ESM1: variants seen among roughly 807,000 people sequenced by gnomAD.
ESM1 encodes endothelial cell specific molecule 1.
In ESM1, 7 loss-of-function variants were observed where a neutral mutation model predicts 14.9. That is an observed-to-expected ratio of 0.47 (90% confidence interval 0.27 to 0.88). The LOEUF (loss-of-function observed/expected upper bound fraction) is 0.88, where lower values mean the gene tolerates loss of function less well. Among genes scored for constraint, ESM1 ranks in the 40% least tolerant of loss-of-function variants. The pLI, the probability that ESM1 is intolerant of heterozygous loss-of-function variation, is 0.14. For missense variants in ESM1, 192 were observed against 237.9 expected (o/e 0.81, Z 1.27); for synonymous variants, 89 against 89.4 (o/e 1.00, Z 0.02).
chr5:54,982,028 G>A lies in ESM1; in HGVS notation c.420C>T (p.Thr140=), dbSNP rs1238477019. ...GAGAAACAAATCTGTTGGAAGACTT[G>A]GTTACTGAATATTGGAAGAAGGGGA... The part of the protein sequence containing the change: ...LKFPFFQYSV[T]KSSNRFVSLT... The change falls in exon 2 of 3, where the codon ACC becomes ACT. Residue 140 remains threonine (T), a synonymous_variant. Transcript: ENST00000381405. 2 of 1,614,008 alleles carry A rather than the reference G, an allele frequency of 1.2e-6. No individual in the cohort carries two copies. The highest frequency in any genetic ancestry group is 1.7e-6 in the Non-Finnish European group (2 of 1,179,992).
chr5:54,982,839 T>C (rs1740414474), intron 1 of ESM1, among the ~76,000 whole-genome samples: 1 of 152,152 alleles, frequency 6.6e-6, no homozygotes, highest in Admixed American at 6.5e-5. Context: ...ACCCTGAGGG[T>C]TTGTACACCT....
At position 54,985,385 on chromosome 5, in the gene ESM1, T is replaced by A. The variant is rs77651377; in HGVS notation, c.133A>T (p.Arg45Trp). 25 of 1,614,218 alleles carry A rather than the reference T, an allele frequency of 1.5e-5. No individual in the cohort carries two copies. The highest frequency in any genetic ancestry group is 2.0e-5 in the Non-Finnish European group (24 of 1,180,038). Residue 45 changes from arginine (R) to tryptophan (W), a missense_variant, in exon 1 of 3, where the codon AGG becomes TGG. Arg to Trp is a moderately radical substitution (Grantham distance 101). Coordinates refer to ENST00000381405, the MANE Select transcript of ESM1 (RefSeq NM_007036.5). ...SECKSSPRCK[R>W]TVLDDCGCCR... ...CAGCCACAGTCGTCGAGCACTGTCC[T>A]CTTGCAGCGCGGGCTGCTTTTGCAC...
Position 54,985,589 on chromosome 5 carries a change from T to C in ESM1, c.-72A>G, listed in dbSNP as rs1334365505. ...GGTGGGAAGCAGCCGTCCAAACTGGTAGCTGAGCCTCTGCCTACACGTTTA... is the reference window on the plus strand; with the variant it reads ...GGTGGGAAGCAGCCGTCCAAACTGGCAGCTGAGCCTCTGCCTACACGTTTA... On this transcript the variant is annotated 5_prime_UTR_variant, in exon 1 of 3. Transcript: ENST00000381405. The C allele has an allele frequency of 1.2e-5, 17 of 1,400,974 alleles. No homozygotes were observed. The highest frequency in any genetic ancestry group is 1.6e-5 in the Non-Finnish European group (16 of 1,029,678). The allele number at this position is 1,400,974 out of a possible 1,614,324, so 86.8% of individuals were successfully genotyped here.
chr5:54,984,054 CA>C (rs1191548482), intron 1 of ESM1, among the ~76,000 whole-genome samples: 2 of 151,806 alleles, frequency 1.3e-5, no homozygotes, highest in Admixed American at 6.6e-5. Context: ...ATAAACTAAG[CA>C]AAAAATAAAA....
At chr5:54,982,221 T>C (rs148293355) in intron 1 of ESM1, 75 bp from the exon 2 acceptor site, 1,249 of 1,478,046 alleles carry the variant, frequency 8.5e-4, no homozygotes, top group Non-Finnish European at 1.1e-3. Context: ...CCTGGGTGCA[T>C]AGCCTTGCGA....
At chr5:54,979,845 G>A (rs1744017335) in intron 2 of ESM1, among the ~76,000 whole-genome samples, 1 of 152,186 alleles carries the variant, frequency 6.6e-6, no homozygotes, top group South Asian at 2.1e-4. Flanking sequence ...CAGGTCTCAA[G>A]TTAGATTCTT....
rs1744042690 is a variant in ESM1 at position 54,981,040 on chromosome 5, AAAT to A, written c.451+954_451+956del. Among the ~76,000 whole-genome samples the A allele has an allele frequency of 2.6e-5, 4 of 152,294 alleles. No individual in the cohort carries two copies. In the South Asian group the frequency reaches 8.3e-4, roughly 32 times the overall value. ...ATTTTAAATACAGTTTTTAATTGAC[AAAT>A]AATAATTGTATACATTTAGGGTACA... is the stretch of plus-strand genomic sequence containing the variant. On this transcript the variant is annotated intron_variant, in intron 2 of 2. Transcript: ENST00000381405.
Position 54,985,438 on chromosome 5 carries a change from T to G in ESM1, c.80A>C (p.Asp27Ala). The change falls in exon 1 of 3, where the codon GAC (aspartate) becomes GCC (alanine). Residue 27 changes from aspartate (D) to alanine (A), a missense_variant. Physicochemically the swap from Asp to Ala is moderately radical, Grantham distance 126 (BLOSUM62 -2). Transcript: ENST00000381405. ...VAAWSNNYAV[D>A]CPQHCDSSEC... Reference sequence around the variant, plus strand: ...ACTGCTGTCACAGTGTTGAGGGCAGTCCACCGCATAATTATTGCTCCAGGC... The same window carrying G: ...ACTGCTGTCACAGTGTTGAGGGCAGGCCACCGCATAATTATTGCTCCAGGC... 1 of 1,613,686 alleles carries G rather than the reference T, an allele frequency of 6.2e-7. No individual in the cohort carries two copies. Among genetic ancestry groups the G allele is most frequent in the Non-Finnish European group, 8.5e-7 (1 of 1,179,640 alleles).
In ESM1 at chr5:54,979,330, G is replaced by A. The variant is rs758177661; in HGVS notation, c.*2C>T. On this transcript the variant is annotated 3_prime_UTR_variant, in exon 3 of 3. Coordinates refer to ENST00000381405, the MANE Select transcript of ESM1 (RefSeq NM_007036.5). ...GCCTTCTCTCAGAAATCACAGCCGGGATCAGCGTGGATTTAACCATTTCCT... is the reference window on the plus strand; with the variant it reads ...GCCTTCTCTCAGAAATCACAGCCGGAATCAGCGTGGATTTAACCATTTCCT... 38 of 1,606,146 alleles carry A rather than the reference G, an allele frequency of 2.4e-5. No individual in the cohort carries two copies. Among genetic ancestry groups the A allele is most frequent in the Non-Finnish European group, 3.0e-5 (35 of 1,173,054 alleles).
intron 2 of ESM1, among the ~76,000 whole-genome samples, chr5:54,980,013 A>G (rs1370681913): frequency 6.6e-6 from 1 of 152,196 alleles, no homozygotes; most frequent in African/African-American, 2.4e-5. Flanking sequence ...TACTTCAAGG[A>G]GTAGTGAGGT....
intron 1 of ESM1, among the ~76,000 whole-genome samples, chr5:54,983,557 A>G (rs1340102009): frequency 2.0e-5 from 3 of 152,234 alleles, no homozygotes; most frequent in Non-Finnish European, 4.4e-5. Flanking sequence ...AAGCTGAAGA[A>G]GGGAGATGAT....
At chr5:54,984,544 C>T (rs904120007) in intron 1 of ESM1, among the ~76,000 whole-genome samples, 3 of 152,166 alleles carry the variant, frequency 2.0e-5, no homozygotes, top group Non-Finnish European at 4.4e-5. Context: ...TCATTCTTTA[C>T]AGACTTCCAG....
chr5:54,984,300 AT>A (rs973043957), intron 1 of ESM1, among the ~76,000 whole-genome samples: 29 of 152,250 alleles, frequency 1.9e-4, no homozygotes, highest in Admixed American at 1.6e-3. Flanking sequence ...CAACTGATGG[AT>A]GGGGTTATAG....
rs1251867114 is a variant in ESM1, at chr5:54,985,396, G to C, written c.122C>G (p.Pro41Arg). 6.2e-7 allele frequency: 1 copy of C among 1,614,176 alleles called. No homozygotes were observed. Among genetic ancestry groups the C allele is most frequent in the Admixed American group, 1.7e-5 (1 of 60,026 alleles). The part of the protein sequence containing the change: ...HCDSSECKSS[P>R]RCKRTVLDDC... ...GTCGAGCACTGTCCTCTTGCAGCGC[G>C]GGCTGCTTTTGCACTCACTGCTGTC... Residue 41 changes from proline to arginine, a missense_variant, in exon 1 of 3, where the codon CCG (proline) becomes CGG (arginine). Physicochemically the swap from Pro to Arg is moderately radical, Grantham distance 103. Transcript: ENST00000381405.
chr5:54,978,517 G>T lies in ESM1; in HGVS notation c.*815C>A, dbSNP rs1310291736. ...GATGATAAATATGGGTAGGGAAGATGACTTGCACTAACACATTTATTTATA... is the reference window on the plus strand; with the variant it reads ...GATGATAAATATGGGTAGGGAAGATTACTTGCACTAACACATTTATTTATA... On this transcript the variant is annotated 3_prime_UTR_variant, in exon 3 of 3. Coordinates refer to ENST00000381405, the MANE Select transcript of ESM1 (RefSeq NM_007036.5). The T allele has an allele frequency of 6.6e-6, 1 of 151,988 alleles. No individual in the cohort carries two copies. Among genetic ancestry groups the T allele is most frequent in the Non-Finnish European group, 1.5e-5 (1 of 67,986 alleles). 9.4% of individuals were successfully genotyped at this position (151,988 alleles called of 1,614,324 possible). A position where few individuals can be genotyped will look rare whatever the true frequency, so the allele number is the denominator to read the frequency against.
intron 2 of ESM1, among the ~76,000 whole-genome samples, chr5:54,980,944 A>G (rs990266270): frequency 6.6e-6 from 1 of 152,202 alleles, no homozygotes; most frequent in African/African-American, 2.4e-5. Flanking sequence ...GGTGGGAAAA[A>G]GTATATCATT....
At chr5:54,984,405 C>T (rs1449335487) in intron 1 of ESM1, among the ~76,000 whole-genome samples, 2 of 152,016 alleles carry the variant, frequency 1.3e-5, no homozygotes, top group East Asian at 1.9e-4. Flanking sequence ...TTATTCTAAA[C>T]ATTTTTAAAA....
At chr5:54,980,207 A>C (rs1307812948) in intron 2 of ESM1, among the ~76,000 whole-genome samples, 3 of 152,210 alleles carry the variant, frequency 2.0e-5, no homozygotes, top group Admixed American at 2.0e-4. Flanking sequence ...AAGAACACCA[A>C]GTGGAACACT....
chr5:54,982,001 G>A lies in ESM1; in HGVS notation c.447C>T (p.Leu149=). 5 of 1,614,032 alleles carry A rather than the reference G, an allele frequency of 3.1e-6. No individual in the cohort carries two copies. Among genetic ancestry groups the A allele is most frequent in the Non-Finnish European group, 4.2e-6 (5 of 1,179,884 alleles). ...VTKSSNRFVS[L]TEHDMASGDG... Reference sequence around the variant, plus strand: ...TATACCAGAATCAGTGCTTACCCGTGAGAGAAACAAATCTGTTGGAAGACT... The same window carrying A: ...TATACCAGAATCAGTGCTTACCCGTAAGAGAAACAAATCTGTTGGAAGACT... The change falls in exon 2 of 3, where the codon CTC becomes CTT. Residue 149 remains leucine, a synonymous_variant. Transcript: ENST00000381405.
Sources: gnomAD v4.1 joint callset for allele counts (sites outside exome capture counted in the v4.1 genomes callset) on GRCh38, gnomAD v4.1.1 for gene constraint, MANE v1.5 for transcripts, NCBI Gene and HGNC (gene_info 2026-07-23, HGNC 2026-07-21) for gene names.